SHTN1: variants seen among roughly 807,000 people sequenced by gnomAD.
The protein encoded by SHTN1 is shootin 1.
Under a neutral mutation model 83.1 loss-of-function variants are expected in SHTN1, and 42 were observed. The ratio of observed to expected loss-of-function variants is 0.51; its 90% CI spans 0.39 to 0.65. The LOEUF is 0.65. Ranked by LOEUF, SHTN1 falls within the 30% of genes least tolerant of loss-of-function variation. The probability of loss-of-function intolerance (pLI) is 0.00; values close to 1 mark genes in which losing one functional copy is unlikely to be tolerated. For missense variants in SHTN1, 622 were observed against 737.8 expected (o/e 0.84, Z 1.82); for synonymous variants, 224 against 247.7 (o/e 0.90, Z 0.90).
At position 117,092,674 on chromosome 10, in the gene SHTN1, T is replaced by C. The variant is rs1002903441; in HGVS notation, c.-189+33633A>G. Among the ~76,000 whole-genome samples the C allele has an allele frequency of 3.9e-5, 6 of 152,254 alleles. No homozygotes were observed. The Middle Eastern group carries it at 0.014, about 345-fold the overall frequency. ...TGAGAGAAAAGCTGCATGCAGATAG[T>C]TTATGTACTGGAATAAATCAAGATG... On this transcript the variant is annotated intron_variant, in intron 1 of 17. Coordinates refer to the SHTN1 transcript ENST00000392901.
intron 1 of SHTN1, among the ~76,000 whole-genome samples, chr10:117,065,777 A>G (rs193055024): frequency 2.3e-3 from 41 of 17,906 alleles, no homozygotes; most frequent in African/African-American, 5.6e-3. Context: ...AGAAAGAAAG[A>G]AAGAAAGGAA....
intron 11 of SHTN1, 92 bp downstream of exon 11, chr10:116,927,699 AG>A (rs1848797353): frequency 7.2e-7 from 1 of 1,397,318 alleles, no homozygotes. Context: ...AGCATCAGCT[AG>A]TATCTTTCAT....
intron 13 of SHTN1, among the ~76,000 whole-genome samples, chr10:116,914,490 A>G (rs1848312179): frequency 6.6e-6 from 1 of 151,836 alleles, no homozygotes; most frequent in Admixed American, 6.6e-5. Flanking sequence ...AAAAGAACAG[A>G]AAAAGAAAAT....
At chr10:116,986,854 G>C (rs1851238122) in intron 1 of SHTN1, among the ~76,000 whole-genome samples, 1 of 149,882 alleles carries the variant, frequency 6.7e-6, no homozygotes, top group South Asian at 2.1e-4. Context: ...TCAGCCTCCT[G>C]AGTAACTGGG....
chr10:116,967,575 T>G (rs1266893867), intron 3 of SHTN1, among the ~76,000 whole-genome samples: 1 of 152,214 alleles, frequency 6.6e-6, no homozygotes, highest in African/African-American at 2.4e-5. Flanking sequence ...CAAAGTTTCC[T>G]TCTGCCCTCT....
chr10:116,979,187 G>A, intron 2 of SHTN1, 69 bp downstream of exon 2: 1 of 1,283,962 alleles, frequency 7.8e-7, no homozygotes, highest in East Asian at 2.3e-5. Flanking sequence ...ATTGGTGACT[G>A]AACAATGCAC....
intron 5 of SHTN1, among the ~76,000 whole-genome samples, chr10:116,953,776 T>G (rs1428802606): frequency 1.3e-5 from 2 of 151,892 alleles, no homozygotes; most frequent in African/African-American, 4.8e-5. Flanking sequence ...TACAGGCACC[T>G]GCCACCACGC....
intron 1 of SHTN1, among the ~76,000 whole-genome samples, chr10:117,088,385 T>C (rs1853381455): frequency 6.6e-6 from 1 of 152,194 alleles, no homozygotes; most frequent in Non-Finnish European, 1.5e-5. Flanking sequence ...ATTGGTAGAG[T>C]TGATTCACGT....
chr10:117,105,145 A>T (rs867580454), intron 1 of SHTN1, among the ~76,000 whole-genome samples: 1 of 152,124 alleles, frequency 6.6e-6, no homozygotes, highest in Non-Finnish European at 1.5e-5. Flanking sequence ...CTTACTATGC[A>T]TATCTCATAT....
intron 1 of SHTN1, among the ~76,000 whole-genome samples, chr10:117,000,640 C>CCTGCG (rs1249491857): frequency 1.3e-5 from 2 of 152,204 alleles, no homozygotes; most frequent in Non-Finnish European, 2.9e-5. Context: ...CATTACTACA[C>CCTGCG]TGAACAGTTT....
At chr10:116,952,863 G>A (rs1849823870) in intron 5 of SHTN1, among the ~76,000 whole-genome samples, 1 of 152,158 alleles carries the variant, frequency 6.6e-6, no homozygotes, top group Non-Finnish European at 1.5e-5. Flanking sequence ...ACTCAGCTTG[G>A]AGAAGTTCTC....
At chr10:117,053,215 T>A (rs1852774926) in intron 1 of SHTN1, among the ~76,000 whole-genome samples, 1 of 151,582 alleles carries the variant, frequency 6.6e-6, no homozygotes, top group Non-Finnish European at 1.5e-5. Context: ...AATGATTTCA[T>A]AGATAGGACA....
intron 1 of SHTN1, among the ~76,000 whole-genome samples, chr10:117,084,661 TCA>T (rs1474826005): frequency 6.6e-6 from 1 of 151,964 alleles, no homozygotes; most frequent in Non-Finnish European, 1.5e-5. Flanking sequence ...CAGTTTGATC[TCA>T]GACTGCTGTG....
intron 2 of SHTN1, among the ~76,000 whole-genome samples, chr10:117,044,123 A>G (rs1852626926): frequency 6.6e-6 from 1 of 152,150 alleles, no homozygotes; most frequent in South Asian, 2.1e-4. Flanking sequence ...ATTCAAGTAT[A>G]GCAATAAAGT....
intron 14 of SHTN1, among the ~76,000 whole-genome samples, chr10:116,908,536 C>T (rs1019110902): frequency 6.6e-6 from 1 of 152,156 alleles, no homozygotes; most frequent in Non-Finnish European, 1.5e-5. Flanking sequence ...AACTTACCAT[C>T]TCTATCATTT....
At chr10:117,079,180 C>T (rs1001299528) in intron 1 of SHTN1, among the ~76,000 whole-genome samples, 4 of 81,750 alleles carry the variant, frequency 4.9e-5, no homozygotes, top group African/African-American at 1.4e-4. Flanking sequence ...TGCTATCCCT[C>T]CCCCCCTCCC....
At chr10:117,008,062 A>T (rs995588545), upstream of SHTN1, among the ~76,000 whole-genome samples, 1 of 152,034 alleles carries the variant, frequency 6.6e-6, no homozygotes. Context: ...TGGAGTTACT[A>T]TTGACCTCCA....
intron 1 of SHTN1, among the ~76,000 whole-genome samples, chr10:117,062,457 C>T (rs750410151): frequency 3.3e-5 from 5 of 152,080 alleles, no homozygotes; most frequent in South Asian, 2.1e-4. Flanking sequence ...TATTGAGGAG[C>T]TCCTCCTAGA....
At chr10:116,887,247 C>G (rs1464250921) in intron 16 of SHTN1, among the ~76,000 whole-genome samples, 1 of 152,208 alleles carries the variant, frequency 6.6e-6, no homozygotes, top group Non-Finnish European at 1.5e-5. Context: ...CAGTTTTCCA[C>G]AGACTCCTTC....
Sources: allele counts gnomAD v4.1 joint callset (sites outside exome capture counted in the v4.1 genomes callset), GRCh38; gene constraint gnomAD v4.1.1; transcripts MANE v1.5; gene names NCBI Gene and HGNC (gene_info 2026-07-23, HGNC 2026-07-21).